Variants in EEFSEC observed in about 807,000 individuals in gnomAD.
The protein encoded by EEFSEC is eukaryotic elongation factor, selenocysteine-tRNA specific.
EEFSEC carries 43 observed loss-of-function variants against 42.1 expected under a neutral mutation model. The ratio of observed to expected loss-of-function variants is 1.02; its 90% CI spans 0.80 to 1.32. EEFSEC has a LOEUF of 1.32. EEFSEC is among the 40% of genes most tolerant of loss of function. EEFSEC has a pLI of 0.00. For synonymous variants in EEFSEC, 354 were observed against 339.1 expected (o/e 1.04, Z -0.48); for missense variants, 745 against 803.6 (o/e 0.93, Z 0.88).
chr3:128,157,622 C>T (rs563126002), intron 1 of EEFSEC, among the ~76,000 whole-genome samples: 24 of 152,286 alleles, frequency 1.6e-4, no homozygotes, highest in South Asian at 6.2e-4. Flanking sequence ...AATGGCACAA[C>T]GCAGCCTGGA....
intron 4 of EEFSEC, among the ~76,000 whole-genome samples, chr3:128,307,141 C>T (rs2066836607): frequency 6.6e-6 from 1 of 152,270 alleles, no homozygotes; most frequent in South Asian, 2.1e-4. Context: ...GGGGCCTGGC[C>T]ACACATGGGG....
chr3:128,331,925 G>C (rs1378343799), intron 4 of EEFSEC, among the ~76,000 whole-genome samples: 2 of 152,084 alleles, frequency 1.3e-5, no homozygotes, highest in East Asian at 1.9e-4. Flanking sequence ...CAACACCACA[G>C]TTTCTCATCC....
chr3:128,228,959 G>A (rs939843869), intron 1 of EEFSEC, among the ~76,000 whole-genome samples: 6 of 152,168 alleles, frequency 3.9e-5, no homozygotes, highest in African/African-American at 1.4e-4. Flanking sequence ...CCAGCCTGGT[G>A]TCTCTGAGGT....
chr3:128,385,263 A>C (rs2067824959), intron 6 of EEFSEC, among the ~76,000 whole-genome samples: 1 of 152,158 alleles, frequency 6.6e-6, no homozygotes, highest in African/African-American at 2.4e-5. Flanking sequence ...AGCTGGCCAC[A>C]GGGGCCAGGC....
intron 2 of EEFSEC, among the ~76,000 whole-genome samples, chr3:128,251,850 A>G (rs189812556): frequency 6.6e-6 from 1 of 152,286 alleles, no homozygotes; most frequent in East Asian, 1.9e-4. Context: ...AAAGCATTTA[A>G]AATTACTCTT....
Position 128,341,540 on chromosome 3 carries a change from A to C in EEFSEC, c.1094A>C (p.Asp365Ala). The C allele has an allele frequency of 6.2e-7, 1 of 1,613,868 alleles. No individual in the cohort carries two copies. The highest frequency in any genetic ancestry group is 8.5e-7 in the Non-Finnish European group (1 of 1,180,014). ...AACTTTGACCAGGAGCCTATACTGG[A>C]CTCTTTCAACTTCTCTCAAGAATAC... ...PDNFDQEPIL[D>A]SFNFSQEYLF... Residue 365 changes from aspartate to alanine, a missense_variant, in exon 5 of 7, where the codon GAC becomes GCC. Asp to Ala is a moderately radical substitution (Grantham distance 126). Transcript: ENST00000254730.
intron 4 of EEFSEC, among the ~76,000 whole-genome samples, chr3:128,338,352 A>ACCACACAGG: frequency 6.6e-6 from 1 of 152,218 alleles, no homozygotes; most frequent in South Asian, 2.1e-4. Context: ...TGAGTTATCG[A>ACCACACAGG]TAATGTAGTT....
chr3:128,328,973 G>T lies in EEFSEC; in HGVS notation c.787-12260G>T, dbSNP rs569018928. 5.9e-5 allele frequency among the ~76,000 whole-genome samples: 9 copies of T among 152,292 alleles called. No individual in the cohort carries two copies. In the South Asian group the frequency reaches 8.3e-4, roughly 14 times the overall value. Reference sequence around the variant, plus strand: ...GGATACCCTGTGTCTCAGGAGGCTCGCAGTGGCAGCTCAATTGGATGACTG... The same window carrying T: ...GGATACCCTGTGTCTCAGGAGGCTCTCAGTGGCAGCTCAATTGGATGACTG... On this transcript the variant is annotated intron_variant, in intron 4 of 6. Transcript: ENST00000254730.
chr3:128,234,061 T>A (rs1041448292), intron 1 of EEFSEC, among the ~76,000 whole-genome samples: 1 of 151,912 alleles, frequency 6.6e-6, no homozygotes, highest in Non-Finnish European at 1.5e-5. Context: ...TTATTTAATT[T>A]ATTTATTTTG....
chr3:128,159,386 G>A (rs116502871), intron 1 of EEFSEC, among the ~76,000 whole-genome samples: 120 of 152,316 alleles, frequency 7.9e-4, no homozygotes, highest in Non-Finnish European at 1.4e-3. Flanking sequence ...GGCCATCCTG[G>A]CTTATGGCAC....
intron 1 of EEFSEC, among the ~76,000 whole-genome samples, chr3:128,237,685 G>A (rs1362457789): frequency 2.6e-5 from 4 of 152,116 alleles, no homozygotes; most frequent in African/African-American, 4.8e-5. Context: ...TTTGGCGGGG[G>A]TCCAACACCT....
Position 128,387,281 on chromosome 3 carries a change from C to T in EEFSEC, c.1601-20788C>T, listed in dbSNP as rs78628856. 1.7e-3 allele frequency among the ~76,000 whole-genome samples: 254 copies of T among 152,306 alleles called. 1 individual carries two copies. The highest frequency in any genetic ancestry group is 5.5e-3 in the African/African-American group (230 of 41,558). On this transcript the variant is annotated intron_variant, in intron 6 of 6. Transcript: ENST00000254730. ...TCCCTTCTGGTCAGACCCATCTGCC[C>T]AGCATATGCTTGAGTTTTGCTTTCA...
intron 2 of EEFSEC, among the ~76,000 whole-genome samples, chr3:128,249,883 A>G (rs529890753): frequency 2.6e-5 from 4 of 152,324 alleles, no homozygotes; most frequent in African/African-American, 9.6e-5. Flanking sequence ...TAATGCTGCT[A>G]TGAACATGGA....
intron 1 of EEFSEC, among the ~76,000 whole-genome samples, chr3:128,203,393 AGAGGAAGATG>A (rs2065662166): frequency 6.6e-6 from 1 of 152,220 alleles, no homozygotes; most frequent in African/African-American, 2.4e-5. Context: ...CCACCTGGGC[AGAGGAAGATG>A]ATGAGTGTTG....
chr3:128,381,092 T>A (rs991892513), intron 6 of EEFSEC, among the ~76,000 whole-genome samples: 1 of 152,192 alleles, frequency 6.6e-6, no homozygotes, highest in Non-Finnish European at 1.5e-5. Context: ...TCTGATTGGC[T>A]CTTGCTATGG....
chr3:128,416,253 C>T, the EEFSEC span, among the ~76,000 whole-genome samples: 1 of 152,132 alleles, frequency 6.6e-6, no homozygotes, highest in Non-Finnish European at 1.5e-5. Flanking sequence ...CACCCTGCCC[C>T]TGGGGGCACA....
At chr3:128,367,314 A>G (rs183911045) in intron 6 of EEFSEC, among the ~76,000 whole-genome samples, 27 of 152,338 alleles carry the variant, frequency 1.8e-4, no homozygotes, top group Non-Finnish European at 3.5e-4. Context: ...ATTGGCAGCC[A>G]CATGCATGCT....
At chr3:128,401,856 TC>T (rs2068051613) in intron 6 of EEFSEC, among the ~76,000 whole-genome samples, 2 of 152,134 alleles carry the variant, frequency 1.3e-5, no homozygotes, top group Admixed American at 1.3e-4. Context: ...ACCTTGAACT[TC>T]CAGCAGCCAT....
chr3:128,158,066 A>G (rs779952178), intron 1 of EEFSEC, among the ~76,000 whole-genome samples: 2 of 152,218 alleles, frequency 1.3e-5, no homozygotes, highest in Non-Finnish European at 1.5e-5. Context: ...ACCCTCATGG[A>G]TGACTGAGGG....
Sources: gnomAD v4.1 joint callset for allele counts (sites outside exome capture counted in the v4.1 genomes callset) on GRCh38, gnomAD v4.1.1 for gene constraint, MANE v1.5 for transcripts, NCBI Gene and HGNC (gene_info 2026-07-23, HGNC 2026-07-21) for gene names.